The following EPHB1 variants were observed in gnomAD, a reference collection of about 807,000 sequenced individuals.
EPHB1 encodes the protein ephrin type-B receptor 1.
In EPHB1, 30 loss-of-function variants were observed where a neutral mutation model predicts 94.4. The observed-to-expected ratio is 0.32, with a 90% CI of 0.24 to 0.43. EPHB1 has a LOEUF of 0.43. Ranked by LOEUF, EPHB1 falls within the 20% of genes least tolerant of loss-of-function variation. EPHB1 has a pLI of 1.00. For missense variants in EPHB1, 1,055 were observed against 1,308.3 expected (o/e 0.81, Z 2.99); for synonymous variants, 522 against 489.1 (o/e 1.07, Z -0.89).
At chr3:135,035,864 A>C (rs1292476073) in intron 3 of EPHB1, among the ~76,000 whole-genome samples, 3 of 151,916 alleles carry the variant, frequency 2.0e-5, no homozygotes, top group Non-Finnish European at 4.4e-5. Flanking sequence ...CTATACCACC[A>C]AAAAGACAAG....
At chr3:135,165,556 T>C (rs901442834) in intron 7 of EPHB1, among the ~76,000 whole-genome samples, 1 of 152,244 alleles carries the variant, frequency 6.6e-6, no homozygotes, top group Non-Finnish European at 1.5e-5. Context: ...ATGAATCTAT[T>C]GACTCTGTGC....
chr3:135,086,115 A>G (rs1399970015), intron 3 of EPHB1, among the ~76,000 whole-genome samples: 1 of 152,080 alleles, frequency 6.6e-6, no homozygotes, highest in Admixed American at 6.5e-5. Context: ...CTCCACACAA[A>G]AGAGATATGA....
chr3:134,978,883 G>A (rs575793227), intron 3 of EPHB1, among the ~76,000 whole-genome samples: 3 of 152,208 alleles, frequency 2.0e-5, no homozygotes, highest in Non-Finnish European at 4.4e-5. Context: ...GACCTACCCA[G>A]TAACCTGAGA....
chr3:135,229,488 G>T (rs1040834752), intron 12 of EPHB1, among the ~76,000 whole-genome samples: 5 of 152,162 alleles, frequency 3.3e-5, no homozygotes, highest in Non-Finnish European at 5.9e-5. Context: ...GTGGACACTG[G>T]TAAGGCATTC....
At chr3:135,175,120 T>G (rs1429934074) in intron 9 of EPHB1, among the ~76,000 whole-genome samples, 1 of 152,180 alleles carries the variant, frequency 6.6e-6, no homozygotes, top group African/African-American at 2.4e-5. Flanking sequence ...ACCTACTGTT[T>G]AAAATGACCC....
At chr3:134,913,729 C>A (rs1398096408) in intron 1 of EPHB1, among the ~76,000 whole-genome samples, 6 of 152,196 alleles carry the variant, frequency 3.9e-5, no homozygotes, top group Admixed American at 3.9e-4. Flanking sequence ...GAATGTGGCC[C>A]TGTTCATCCA....
rs74605512 is a variant in EPHB1, at chr3:135,125,046, C to T, written c.962-7668C>T. Among the ~76,000 whole-genome samples, 269 of 151,746 alleles carry T rather than the reference C, an allele frequency of 1.8e-3. 12 individuals are homozygous for T. Among genetic ancestry groups the T allele is most frequent in the African/African-American group, 6.1e-3 (251 of 41,076 alleles). ...GTCCCATATGTCTGGTATTCATTGT[C>T]GGCAGATTGCAGACAATGCTTGGTC... is the stretch of plus-strand genomic sequence containing the variant. On this transcript the variant is annotated intron_variant, in intron 4 of 15. Transcript: ENST00000398015.
intron 1 of EPHB1, among the ~76,000 whole-genome samples, chr3:134,824,420 C>T (rs979288736): frequency 6.6e-6 from 1 of 152,110 alleles, no homozygotes; most frequent in Admixed American, 6.5e-5. Flanking sequence ...CACACAGCAG[C>T]ACATCACTAA....
At chr3:135,002,910 C>T (rs1047998550) in intron 3 of EPHB1, among the ~76,000 whole-genome samples, 1 of 152,036 alleles carries the variant, frequency 6.6e-6, no homozygotes, top group African/African-American at 2.4e-5. Flanking sequence ...AAAAAACCAG[C>T]TCCTGGATTC....
chr3:134,923,190 G>A (rs1049189962), intron 1 of EPHB1, among the ~76,000 whole-genome samples: 1 of 152,174 alleles, frequency 6.6e-6, no homozygotes, highest in Non-Finnish European at 1.5e-5. Flanking sequence ...CATGGGGCAC[G>A]ACTCAATCCG....
At chr3:135,058,761 C>T (rs1937413175) in intron 3 of EPHB1, among the ~76,000 whole-genome samples, 1 of 152,226 alleles carries the variant, frequency 6.6e-6, no homozygotes, top group Non-Finnish European at 1.5e-5. Context: ...CTGCCTCCGG[C>T]TACATGGGGA....
intron 3 of EPHB1, among the ~76,000 whole-genome samples, chr3:135,068,611 T>C (rs1937617007): frequency 6.6e-6 from 1 of 152,128 alleles, no homozygotes; most frequent in Non-Finnish European, 1.5e-5. Context: ...TATTTTCACG[T>C]TATTGATAGT....
intron 12 of EPHB1, among the ~76,000 whole-genome samples, chr3:135,226,527 C>T (rs1038842175): frequency 6.6e-6 from 1 of 152,206 alleles, no homozygotes; most frequent in Non-Finnish European, 1.5e-5. Flanking sequence ...CAGCTGGGTT[C>T]TTCACAGTAG....
chr3:135,033,328 G>A (rs770818995), intron 3 of EPHB1, among the ~76,000 whole-genome samples: 2 of 152,198 alleles, frequency 1.3e-5, no homozygotes, highest in Non-Finnish European at 2.9e-5. Flanking sequence ...TGTGTGGAAG[G>A]TCAGCTCCTC....
At chr3:134,805,796 G>A (rs1387021667) in intron 1 of EPHB1, among the ~76,000 whole-genome samples, 2 of 152,112 alleles carry the variant, frequency 1.3e-5, no homozygotes, top group Non-Finnish European at 2.9e-5. Context: ...CACAGTGATC[G>A]CTTCCTCCTG....
At chr3:134,923,740 C>T (rs2038734993) in intron 1 of EPHB1, among the ~76,000 whole-genome samples, 1 of 152,172 alleles carries the variant, frequency 6.6e-6, no homozygotes. Flanking sequence ...GGTTTCTCCC[C>T]AAACCTTTGG....
Position 135,257,045 on chromosome 3 carries a change from C to T in EPHB1, c.2847-1967C>T, listed in dbSNP as rs1385409526. Among the ~76,000 whole-genome samples, 9 of 145,028 alleles carry T rather than the reference C, an allele frequency of 6.2e-5. No individual in the cohort carries two copies. In the South Asian group the frequency reaches 9.4e-4, roughly 15 times the overall value. ...GCTTCTGCATTCTTCACGTAGTTCT[C>T]GAGCCTTGGTTTTCAGCTCCATCAG... On this transcript the variant is annotated intron_variant, in intron 15 of 15. Coordinates refer to ENST00000398015, the MANE Select transcript of EPHB1 (RefSeq NM_004441.5).
At chr3:135,085,723 C>T (rs1293074480) in intron 3 of EPHB1, among the ~76,000 whole-genome samples, 5 of 152,328 alleles carry the variant, frequency 3.3e-5, no homozygotes, top group East Asian at 1.9e-4. Flanking sequence ...GCCTTGCCCT[C>T]CTTGCCTCTG....
chr3:135,156,616 G>A (rs1348569120), intron 6 of EPHB1, among the ~76,000 whole-genome samples: 3 of 152,198 alleles, frequency 2.0e-5, no homozygotes, highest in Non-Finnish European at 4.4e-5. Flanking sequence ...AGCCATTAGA[G>A]CTGAACTTGC....
Sources: gnomAD v4.1 joint callset for allele counts (sites outside exome capture counted in the v4.1 genomes callset) on GRCh38, gnomAD v4.1.1 for gene constraint, MANE v1.5 for transcripts, NCBI Gene and HGNC (gene_info 2026-07-23, HGNC 2026-07-21) for gene names.